The following FRMD4A variants were observed in gnomAD, a reference collection of about 807,000 sequenced individuals.
The protein encoded by FRMD4A is FERM domain containing 4A.
A neutral mutation model predicts 129.1 loss-of-function variants in FRMD4A; 29 were observed. The observed-to-expected ratio is 0.22, with a 90% CI of 0.17 to 0.31. FRMD4A has a LOEUF of 0.31. Ranked by LOEUF, FRMD4A falls within the 10% of genes least tolerant of loss-of-function variation. FRMD4A has a pLI of 1.00. For synonymous variants in FRMD4A, 634 were observed against 571.6 expected (o/e 1.11, Z -1.56); for missense variants, 1,272 against 1,375.8 (o/e 0.92, Z 1.19).
intron 2 of FRMD4A, among the ~76,000 whole-genome samples, chr10:13,896,675 TG>T (rs535833946): frequency 3.6e-4 from 55 of 151,820 alleles, no homozygotes; most frequent in African/African-American, 1.3e-3. Context: ...TCCCAGAACT[TG>T]AAGTTAAAAA....
At chr10:14,114,386 G>T (rs996816872) in intron 2 of FRMD4A, among the ~76,000 whole-genome samples, 2 of 152,176 alleles carry the variant, frequency 1.3e-5, no homozygotes, top group African/African-American at 4.8e-5. Flanking sequence ...AGCGGAAAGG[G>T]CATATACCCA....
intron 2 of FRMD4A, among the ~76,000 whole-genome samples, chr10:13,901,277 T>C (rs544722063): frequency 2.6e-5 from 4 of 152,312 alleles, no homozygotes; most frequent in African/African-American, 9.6e-5. Flanking sequence ...ATTGCTTCAC[T>C]GCAAAAAGCA....
chr10:14,312,959 C>T (rs765205271), intron 2 of FRMD4A, among the ~76,000 whole-genome samples: 1 of 152,158 alleles, frequency 6.6e-6, no homozygotes, highest in Non-Finnish European at 1.5e-5. Context: ...CAAAAGGATA[C>T]ACAAGAAACT....
At chr10:14,048,258 G>T (rs191818743) in intron 2 of FRMD4A, among the ~76,000 whole-genome samples, 13 of 152,290 alleles carry the variant, frequency 8.5e-5, no homozygotes, top group Admixed American at 7.2e-4. Flanking sequence ...GCACACGACT[G>T]CTGGGACTGG....
At position 13,688,490 on chromosome 10, in the gene FRMD4A, C is replaced by T. The variant is rs55891712; in HGVS notation, c.1117+5408G>A. 3.0e-3 allele frequency among the ~76,000 whole-genome samples: 453 copies of T among 152,082 alleles called. 3 individuals are homozygous for T. The highest frequency in any genetic ancestry group is 0.01 in the African/African-American group (430 of 41,474). On this transcript the variant is annotated intron_variant, in intron 15 of 24. Transcript: ENST00000357447. ...AGCACACCAACATGGCACATGTATA[C>T]GTGTGTAACAAACCTGCACCTTGTG...
At chr10:13,933,276 A>ATGACT (rs1296905177) in intron 2 of FRMD4A, among the ~76,000 whole-genome samples, 1 of 128,278 alleles carries the variant, frequency 7.8e-6, no homozygotes, top group Non-Finnish European at 1.9e-5. Context: ...CACCGAGTAA[A>ATGACT]TGACTTTGTA....
intron 2 of FRMD4A, among the ~76,000 whole-genome samples, chr10:14,000,490 T>C (rs2095637917): frequency 2.0e-5 from 3 of 151,266 alleles, no homozygotes; most frequent in African/African-American, 7.3e-5. Flanking sequence ...CTACTAAAAA[T>C]ACAAAAATTA....
intron 2 of FRMD4A, among the ~76,000 whole-genome samples, chr10:14,101,722 C>A (rs1564291912): frequency 6.9e-6 from 1 of 144,454 alleles, no homozygotes; most frequent in Non-Finnish European, 1.5e-5. Flanking sequence ...ATATGCCTGG[C>A]TTCTAACACA....
At chr10:14,289,648 C>T (rs1845790205) in intron 2 of FRMD4A, among the ~76,000 whole-genome samples, 1 of 151,986 alleles carries the variant, frequency 6.6e-6, no homozygotes, top group Admixed American at 6.5e-5. Flanking sequence ...ATATGAAAAG[C>T]CCCCAGCTAA....
At chr10:14,069,870 C>T (rs761271818) in intron 2 of FRMD4A, among the ~76,000 whole-genome samples, 1 of 152,210 alleles carries the variant, frequency 6.6e-6, no homozygotes, top group Non-Finnish European at 1.5e-5. Context: ...ATTCTCCTGG[C>T]CCTTTATTTG....
At position 14,301,257 on chromosome 10, in the gene FRMD4A, T is replaced by C. The variant is rs575910548; in HGVS notation, c.45+28801A>G. 4.6e-5 allele frequency among the ~76,000 whole-genome samples: 7 copies of C among 152,334 alleles called. No individual in the cohort carries two copies. The South Asian group carries it at 1.5e-3, about 32-fold the overall frequency. On this transcript the variant is annotated intron_variant, in intron 2 of 24. Transcript: ENST00000357447. ...TCTTGGCTGCCATTAATCTGTATCGTTCCCCTGGAATAAACTCTAACCATG... is the reference window on the plus strand; with the variant it reads ...TCTTGGCTGCCATTAATCTGTATCGCTCCCCTGGAATAAACTCTAACCATG...
At chr10:14,185,616 G>A (rs970086441) in intron 2 of FRMD4A, among the ~76,000 whole-genome samples, 11 of 139,484 alleles carry the variant, frequency 7.9e-5, no homozygotes, top group African/African-American at 2.4e-4. Flanking sequence ...GACAGAAAGG[G>A]GATATATACT....
chr10:13,824,991 G>A (rs1421749271), intron 3 of FRMD4A, among the ~76,000 whole-genome samples: 1 of 151,772 alleles, frequency 6.6e-6, no homozygotes, highest in Non-Finnish European at 1.5e-5. Context: ...ACACTTTGCA[G>A]TCATTTTTCC....
At chr10:14,236,273 C>T (rs894448760) in intron 2 of FRMD4A, among the ~76,000 whole-genome samples, 21 of 152,184 alleles carry the variant, frequency 1.4e-4, no homozygotes, top group South Asian at 4.1e-4. Context: ...GTAGAATGCA[C>T]GCATGAAGCG....
intron 9 of FRMD4A, among the ~76,000 whole-genome samples, chr10:13,742,671 C>A (rs1384620820): frequency 6.6e-6 from 1 of 152,138 alleles, no homozygotes; most frequent in Non-Finnish European, 1.5e-5. Flanking sequence ...TGTGCACCAC[C>A]ACGCCTGGCT....
chr10:14,278,681 C>T (rs1008006027), intron 2 of FRMD4A, among the ~76,000 whole-genome samples: 1 of 152,030 alleles, frequency 6.6e-6, no homozygotes, highest in Non-Finnish European at 1.5e-5. Flanking sequence ...TGCCTGAGCC[C>T]AGAATTTGAA....
At chr10:14,185,493 C>G (rs573843168) in intron 2 of FRMD4A, among the ~76,000 whole-genome samples, 4 of 152,108 alleles carry the variant, frequency 2.6e-5, no homozygotes, top group Non-Finnish European at 5.9e-5. Context: ...TGTAATTTTT[C>G]TAACTTCAAG....
chr10:13,883,745 C>A (rs984925314), intron 2 of FRMD4A, among the ~76,000 whole-genome samples: 9 of 152,204 alleles, frequency 5.9e-5, no homozygotes, highest in Non-Finnish European at 1.0e-4. Context: ...CTTATAATTT[C>A]TCCATCAAAT....
intron 2 of FRMD4A, among the ~76,000 whole-genome samples, chr10:14,161,543 T>C (rs374693443): frequency 6.6e-6 from 1 of 152,182 alleles, no homozygotes. Context: ...ACGGAGGTCA[T>C]TATGAAATAA....
Sources: allele counts gnomAD v4.1 joint callset (sites outside exome capture counted in the v4.1 genomes callset), GRCh38; gene constraint gnomAD v4.1.1; transcripts MANE v1.5; gene names NCBI Gene and HGNC (gene_info 2026-07-23, HGNC 2026-07-21).